Variants in PCDH15 observed in about 807,000 individuals in gnomAD.
PCDH15 encodes the protein protocadherin-15.
In PCDH15, 129 loss-of-function variants were observed where a neutral mutation model predicts 178.5. That is an observed-to-expected ratio of 0.72 (90% CI 0.63 to 0.84). The LOEUF (loss-of-function observed/expected upper bound fraction) is 0.84, where lower values mean the gene tolerates loss of function less well. PCDH15 is among the 40% of genes least tolerant of loss of function. The probability of loss-of-function intolerance (pLI) is 0.00; values close to 1 mark genes in which losing one functional copy is unlikely to be tolerated. For synonymous variants in PCDH15, 800 were observed against 732.0 expected (o/e 1.09, Z -1.50); for missense variants, 2,230 against 2,099.9 (o/e 1.06, Z -1.21).
chr10:55,140,785 G>T (rs1838331737), intron 2 of PCDH15, among the ~76,000 whole-genome samples: 1 of 151,798 alleles, frequency 6.6e-6, no homozygotes, highest in African/African-American at 2.4e-5. Flanking sequence ...AGAGTTATTG[G>T]GCTATGAAAA....
intron 2 of PCDH15, among the ~76,000 whole-genome samples, chr10:54,534,406 AT>A (rs1158661679): frequency 6.6e-6 from 1 of 152,122 alleles, no homozygotes; most frequent in Non-Finnish European, 1.5e-5. Context: ...GATGGATTAA[AT>A]TTACTAGGGA....
chr10:55,332,068 G>A (rs920709268), intron 2 of PCDH15, among the ~76,000 whole-genome samples: 1 of 152,088 alleles, frequency 6.6e-6, no homozygotes, highest in Non-Finnish European at 1.5e-5. Context: ...GAAACAAGTG[G>A]TGTAACATTT....
At position 54,378,833 on chromosome 10, in the gene PCDH15, A is replaced by G; in HGVS notation, c.267T>C (p.Pro89=). The G allele has an allele frequency of 6.2e-7, 1 of 1,613,948 alleles. No individual in the cohort carries two copies. The highest frequency in any genetic ancestry group is 8.5e-7 in the Non-Finnish European group (1 of 1,179,886). Residue 89 remains proline, a synonymous_variant, in exon 4 of 38, where the codon CCT becomes CCC. Coordinates refer to ENST00000644397, the MANE Select transcript of PCDH15 (RefSeq NM_001384140.1). ...TGTTCAGGAAAAGCATTTGCTTAAC[A>G]GGATCCATCAACACCCAGTAATCCA... ...DNVDYWVLMD[P]VKQMLFLNST... is the part of the protein sequence containing the mutation.
intron 11 of PCDH15, among the ~76,000 whole-genome samples, chr10:54,187,991 A>C (rs1026138654): frequency 6.6e-6 from 1 of 151,834 alleles, no homozygotes; most frequent in Non-Finnish European, 1.5e-5. Flanking sequence ...TATGAGTTTT[A>C]TGAAAATTTT....
At chr10:54,394,227 A>G (rs1373364617) in intron 3 of PCDH15, among the ~76,000 whole-genome samples, 4 of 152,152 alleles carry the variant, frequency 2.6e-5, no homozygotes, top group Admixed American at 2.6e-4. Flanking sequence ...CTTATTATAT[A>G]GCATTAGAAT....
At chr10:55,143,611 G>C (rs1195285931) in intron 2 of PCDH15, among the ~76,000 whole-genome samples, 1 of 151,916 alleles carries the variant, frequency 6.6e-6, no homozygotes, top group Non-Finnish European at 1.5e-5. Flanking sequence ...AGATAGTATG[G>C]AGATCACATT....
intron 10 of PCDH15, among the ~76,000 whole-genome samples, chr10:54,198,095 G>A (rs1006526684): frequency 1.2e-4 from 18 of 152,136 alleles, no homozygotes; most frequent in African/African-American, 4.1e-4. Context: ...CTGGAATAAT[G>A]TTTGGTCCTG....
chr10:53,978,721 T>C (rs1201158423), intron 21 of PCDH15, among the ~76,000 whole-genome samples: 1 of 151,840 alleles, frequency 6.6e-6, no homozygotes, highest in East Asian at 1.9e-4. Flanking sequence ...TATACTCTGC[T>C]TCCTTTTGAA....
intron 3 of PCDH15, among the ~76,000 whole-genome samples, chr10:54,844,826 T>A (rs1284076501): frequency 3.9e-5 from 6 of 151,978 alleles, no homozygotes; most frequent in Non-Finnish European, 2.9e-5. Context: ...CCATTATGCA[T>A]GCACTTGATG....
At chr10:54,257,049 TTAGATAGATAGATAGATAGATAGA>T (rs10569518) in intron 8 of PCDH15, among the ~76,000 whole-genome samples, 2 of 149,510 alleles carry the variant, frequency 1.3e-5, no homozygotes, top group Non-Finnish European at 1.5e-5. Flanking sequence ...TCTCGATAGA[TTAGATAGATAGATAGATAGATAGA>T]TAGATAGATA....
At chr10:54,015,908 TTAAAC>T (rs2092725769) in intron 20 of PCDH15, among the ~76,000 whole-genome samples, 2 of 152,058 alleles carry the variant, frequency 1.3e-5, no homozygotes, top group African/African-American at 2.4e-5. Context: ...TGTGACTTAA[TTAAAC>T]TAAAGAGCTT....
intron 3 of PCDH15, among the ~76,000 whole-genome samples, chr10:54,510,885 G>A (rs1316189086): frequency 1.3e-5 from 2 of 152,002 alleles, no homozygotes; most frequent in Non-Finnish European, 2.9e-5. Flanking sequence ...TTATGTCACC[G>A]TATTTAACTC....
chr10:54,206,229 A>C (rs2050782512), intron 10 of PCDH15, among the ~76,000 whole-genome samples: 1 of 152,100 alleles, frequency 6.6e-6, no homozygotes, highest in African/African-American at 2.4e-5. Flanking sequence ...ACAAATCGAC[A>C]CTGGAATGAC....
intron 2 of PCDH15, among the ~76,000 whole-genome samples, chr10:55,577,434 C>T (rs897287966): frequency 1.3e-5 from 2 of 151,730 alleles, no homozygotes; most frequent in African/African-American, 4.8e-5. Flanking sequence ...TGTGGAGATA[C>T]CTGAAGAAAA....
intron 8 of PCDH15, among the ~76,000 whole-genome samples, chr10:54,290,815 G>C (rs1011926068): frequency 1.3e-5 from 2 of 152,130 alleles, no homozygotes; most frequent in African/African-American, 4.8e-5. Context: ...TTACATAATG[G>C]TTAAAGGGAT....
intron 2 of PCDH15, among the ~76,000 whole-genome samples, chr10:54,908,746 G>T (rs923154170): frequency 6.6e-6 from 1 of 152,150 alleles, no homozygotes; most frequent in African/African-American, 2.4e-5. Flanking sequence ...TCAGCTCTCA[G>T]CAGAGAGGGT....
At chr10:55,576,419 A>G (rs1842497542) in intron 2 of PCDH15, among the ~76,000 whole-genome samples, 1 of 152,190 alleles carries the variant, frequency 6.6e-6, no homozygotes, top group Non-Finnish European at 1.5e-5. Context: ...AGGTGAAAGA[A>G]AATCCACACA....
chr10:54,724,236 G>C (rs1228543306), intron 1 of PCDH15, among the ~76,000 whole-genome samples: 3 of 148,444 alleles, frequency 2.0e-5, no homozygotes. Context: ...GTCCTTTACA[G>C]CAACTTGGAT....
intron 2 of PCDH15, among the ~76,000 whole-genome samples, chr10:55,466,682 A>T (rs1839837758): frequency 6.6e-6 from 1 of 152,192 alleles, no homozygotes; most frequent in African/African-American, 2.4e-5. Flanking sequence ...GCTGACTTGA[A>T]AATCACTCAC....
Sources: gnomAD v4.1 joint callset for allele counts (sites outside exome capture counted in the v4.1 genomes callset) on GRCh38, gnomAD v4.1.1 for gene constraint, MANE v1.5 for transcripts, NCBI Gene and HGNC (gene_info 2026-07-23, HGNC 2026-07-21) for gene names.